CDK12: variants seen among roughly 807,000 people sequenced by gnomAD.
The protein encoded by CDK12 is cyclin-dependent kinase 12.
Under a neutral mutation model 133.8 loss-of-function variants are expected in CDK12, and 17 were observed. The ratio of observed to expected loss-of-function variants is 0.13; its 90% CI spans 0.09 to 0.19. The LOEUF (loss-of-function observed/expected upper bound fraction) is 0.19, where lower values mean the gene tolerates loss of function less well. CDK12 is among the 10% of genes least tolerant of loss of function. The pLI is 1.00. For synonymous variants in CDK12, 694 were observed against 683.6 expected, an observed-to-expected ratio of 1.02 and a Z score of -0.24; for missense variants, 1,508 against 1,818.7, an observed-to-expected ratio of 0.83 and a Z score of 3.11.
At chr17:39,500,848 T>C (rs1489034081) in intron 5 of CDK12, among the ~76,000 whole-genome samples, 1 of 151,606 alleles carries the variant, frequency 6.6e-6, no homozygotes, top group African/African-American at 2.4e-5. Flanking sequence ...CACCTCGGCC[T>C]CCCAAGTAGC....
In CDK12 at chr17:39,533,976, T is replaced by G. The variant is rs2055012734; in HGVS notation, c.*2660T>G. 8.6e-6 allele frequency: 2 copies of G among 232,300 alleles called. No individual in the cohort carries two copies. The highest frequency in any genetic ancestry group is 4.4e-5 in the African/African-American group (2 of 45,292). The allele number at this position is 232,300 out of a possible 1,614,324, so 14.4% of individuals were successfully genotyped here. A position where few individuals can be genotyped will look rare whatever the true frequency, so the allele number is the denominator to read the frequency against. On this transcript the variant is annotated 3_prime_UTR_variant, in exon 14 of 14. Coordinates refer to ENST00000447079, the MANE Select transcript of CDK12 (RefSeq NM_016507.4). ...ATTCAAAAGTGGTTTTCGTTTTGTT[T>G]TAATTATTGTACAATGAGAGATATT... is the stretch of plus-strand genomic sequence containing the variant.
rs551975032 is a variant in CDK12 at position 39,506,672 on chromosome 17, G to A, written c.2610-3033G>A. ...AATAGTTTGGTTAATTAACCAAGGG[G>A]TCCAGGTAGGCAAGGGAAGGAAGTA... On this transcript the variant is annotated intron_variant, in intron 6 of 13. Coordinates refer to ENST00000447079, the MANE Select transcript of CDK12 (RefSeq NM_016507.4). Among the ~76,000 whole-genome samples, 18 of 152,206 alleles carry A rather than the reference G, an allele frequency of 1.2e-4. No individual in the cohort carries two copies. In the South Asian group the frequency reaches 3.7e-3, roughly 32 times the overall value.
At chr17:39,538,943 A>ACATACATG (rs1215543474), downstream of CDK12, among the ~76,000 whole-genome samples, 34 of 152,178 alleles carry the variant, frequency 2.2e-4, 1 homozygote, top group Admixed American at 1.2e-3. Flanking sequence ...ATACATACAT[A>ACATACATG]CATACATACA....
At chr17:39,480,303 G>A (rs1209732286) in intron 2 of CDK12, among the ~76,000 whole-genome samples, 2 of 147,474 alleles carry the variant, frequency 1.4e-5, no homozygotes, top group Non-Finnish European at 3.0e-5. Flanking sequence ...TTACTTTGTC[G>A]TCCAGGCTGG....
chr17:39,473,628 T>C (rs1439790726), intron 2 of CDK12, among the ~76,000 whole-genome samples: 4 of 152,010 alleles, frequency 2.6e-5, no homozygotes, highest in East Asian at 1.9e-4. Context: ...CGGTGGTTCA[T>C]GCCTTTAATC....
At position 39,501,459 on chromosome 17, in the gene CDK12, A is replaced by G; in HGVS notation, c.2609+20A>G. 6.4e-7 allele frequency: 1 copy of G among 1,557,912 alleles called. No homozygotes were observed. The highest frequency in any genetic ancestry group is 8.8e-7 in the Non-Finnish European group (1 of 1,139,022). On this transcript the variant is annotated intron_variant, in intron 6 of 13. Coordinates refer to ENST00000447079, the MANE Select transcript of CDK12 (RefSeq NM_016507.4). ...TAACAGGTAACATAGTAACCAAATAAGATTAAGCACTTTCCTCTTCTCCTC... is the reference window on the plus strand; with the variant it reads ...TAACAGGTAACATAGTAACCAAATAGGATTAAGCACTTTCCTCTTCTCCTC...
intron 1 of CDK12, among the ~76,000 whole-genome samples, chr17:39,466,340 C>T (rs574279213): frequency 6.5e-4 from 97 of 148,890 alleles, no homozygotes; most frequent in African/African-American, 2.1e-3. Flanking sequence ...AAAGGCCAGG[C>T]GCAGTGGATC....
chr17:39,503,944 G>A (rs2052912490), intron 6 of CDK12, among the ~76,000 whole-genome samples: 1 of 152,178 alleles, frequency 6.6e-6, no homozygotes, highest in Admixed American at 6.5e-5. Context: ...CAAATTATCA[G>A]TTTATGCCGA....
At chr17:39,522,962 A>T (rs1374115539) in intron 11 of CDK12, among the ~76,000 whole-genome samples, 1 of 151,816 alleles carries the variant, frequency 6.6e-6, no homozygotes, top group East Asian at 2.0e-4. Flanking sequence ...CTGAGGGAGG[A>T]GAATCGCCTG....
chr17:39,476,715 T>TTTTTTTTTC (rs2050227542), intron 2 of CDK12, among the ~76,000 whole-genome samples: 1 of 98,392 alleles, frequency 1.0e-5, no homozygotes, highest in African/African-American at 4.3e-5. Context: ...GCCTGCCTTT[T>TTTTTTTTTC]TTTTTTTTTT....
intron 6 of CDK12, among the ~76,000 whole-genome samples, chr17:39,507,611 CATTT>C (rs1314541270): frequency 6.6e-6 from 1 of 151,736 alleles, no homozygotes; most frequent in Non-Finnish European, 1.5e-5. Context: ...GTTTAATAAA[CATTT>C]ATTTAGTACC....
intron 1 of CDK12, among the ~76,000 whole-genome samples, chr17:39,463,979 CT>C (rs2049121924): frequency 6.6e-6 from 1 of 151,906 alleles, no homozygotes; most frequent in Non-Finnish European, 1.5e-5. Context: ...TTAGTTAGAC[CT>C]TTGTGGAATC....
At chr17:39,498,032 C>T (rs990615699) in intron 5 of CDK12, among the ~76,000 whole-genome samples, 3 of 148,958 alleles carry the variant, frequency 2.0e-5, no homozygotes, top group African/African-American at 7.4e-5. Flanking sequence ...GGGACAGAGT[C>T]TTGCTCTCTC....
intron 1 of CDK12, among the ~76,000 whole-genome samples, chr17:39,470,213 C>T (rs1344624312): frequency 6.6e-6 from 1 of 151,598 alleles, no homozygotes; most frequent in Non-Finnish European, 1.5e-5. Flanking sequence ...CTCCACCTCC[C>T]AGGTTCATGC....
Position 39,476,711 on chromosome 17 carries a change from C to CTTTTTTTTTTTTTTTTTTTTT in CDK12, c.1931+4957_1931+4977dup, listed in dbSNP as rs879840168. On this transcript the variant is annotated intron_variant, in intron 2 of 13. Transcript: ENST00000447079. ...TACAGGCATGAGCCACCATGCCTGC[C>CTTTTTTTTTTTTTTTTTTTTT]TTTTTTTTTTTTTTTTTTTTTTTTT... is the stretch of plus-strand genomic sequence containing the variant. Among the ~76,000 whole-genome samples the CTTTTTTTTTTTTTTTTTTTTT allele has an allele frequency of 5.7e-4, 48 of 84,510 alleles. 4 individuals are homozygous for CTTTTTTTTTTTTTTTTTTTTT. Among genetic ancestry groups the CTTTTTTTTTTTTTTTTTTTTT allele is most frequent in the East Asian group, 1.1e-3 (3 of 2,658 alleles). 55.4% of individuals were successfully genotyped at this position (84,510 alleles called of 152,430 possible). A position where few individuals can be genotyped will look rare whatever the true frequency, so the allele number is the denominator to read the frequency against.
Position 39,462,189 on chromosome 17 carries a change from T to A in CDK12, c.118T>A (p.Ser40Thr), listed in dbSNP as rs2144850383. 6.2e-7 allele frequency: 1 copy of A among 1,614,180 alleles called. No homozygotes were observed. Among genetic ancestry groups the A allele is most frequent in the Non-Finnish European group, 8.5e-7 (1 of 1,180,044 alleles). Residue 40 changes from serine (S) to threonine (T), a missense_variant, in exon 1 of 14, where the codon TCG (serine) becomes ACG (threonine). Ser to Thr is a moderately conservative substitution (Grantham distance 58). Around this residue, in one of 9 missense-constraint regions of CDK12, gnomAD observed 460 missense variants for 490.8 expected, o/e 0.94. Coordinates refer to ENST00000447079, the MANE Select transcript of CDK12 (RefSeq NM_016507.4). Reference protein sequence around the residue: ...SNSRERHRLVSKHKRHKSKHS... With the variant: ...SNSRERHRLVTKHKRHKSKHS... Reference sequence around the variant, plus strand: ...CAGCAGAGAGCGTCACCGCTTGGTATCGAAGCACAAGCGGCATAAGTCCAA... The same window carrying A: ...CAGCAGAGAGCGTCACCGCTTGGTAACGAAGCACAAGCGGCATAAGTCCAA...
chr17:39,550,936 G>C (rs1337280679), intron 1 of CDK12: 2 of 149,414 alleles, frequency 1.3e-5, no homozygotes, highest in African/African-American at 5.0e-5. Flanking sequence ...GGAGGCTAAG[G>C]TAGGAGAATT....
intron 10 of CDK12, among the ~76,000 whole-genome samples, chr17:39,518,551 T>C (rs1397174204): frequency 1.3e-5 from 2 of 152,108 alleles, no homozygotes; most frequent in African/African-American, 4.8e-5. Flanking sequence ...TTTTACTTTT[T>C]TTAACTTTAA....
chr17:39,491,172 T>C (rs1156969838), intron 3 of CDK12, among the ~76,000 whole-genome samples: 1 of 152,170 alleles, frequency 6.6e-6, no homozygotes, highest in Non-Finnish European at 1.5e-5. Context: ...TTCTGATTGT[T>C]AGCATTTCTC....
Sources: gnomAD v4.1 joint callset for allele counts (sites outside exome capture counted in the v4.1 genomes callset) on GRCh38, gnomAD v4.1.1 for gene constraint, gnomAD v4.1.1 regional missense constraint, MANE v1.5 for transcripts, NCBI Gene and HGNC (gene_info 2026-07-23, HGNC 2026-07-21) for gene names.